PCBP3: variants seen among roughly 807,000 people sequenced by gnomAD.
The protein encoded by PCBP3 is poly(rC) binding protein 3, also known as poly(rC)-binding protein 3.
PCBP3 carries 25 observed loss-of-function variants against 52.7 expected under a neutral mutation model. The ratio of observed to expected loss-of-function variants is 0.47; its 90% CI spans 0.35 to 0.66. The LOEUF (loss-of-function observed/expected upper bound fraction) is 0.66, where lower values mean the gene tolerates loss of function less well. PCBP3 is among the 30% of genes least tolerant of loss of function. The pLI, the probability that PCBP3 is intolerant of heterozygous loss-of-function variation, is 0.01. For synonymous variants in PCBP3, 162 were observed against 183.0 expected, an observed-to-expected ratio of 0.89 and a Z score of 0.93; for missense variants, 391 against 490.3, an observed-to-expected ratio of 0.80 and a Z score of 1.91.
chr21:45,723,773 G>A (rs890172791), intron 2 of PCBP3, among the ~76,000 whole-genome samples: 4 of 152,210 alleles, frequency 2.6e-5, no homozygotes, highest in Admixed American at 2.6e-4. Flanking sequence ...GGGTCTGTGG[G>A]ATCTGCATTC....
intron 4 of PCBP3, chr21:45,762,671 G>A (rs1033249606): frequency 1.1e-4 from 17 of 151,820 alleles, no homozygotes; most frequent in Admixed American, 1.1e-3. Flanking sequence ...ATTATTTTTA[G>A]TAGAGGCAGG....
Position 45,812,462 on chromosome 21 carries a change from G to A in PCBP3, c.-125-37499G>A, listed in dbSNP as rs1158021729. 2.0e-5 allele frequency among the ~76,000 whole-genome samples: 3 copies of A among 152,186 alleles called. No homozygotes were observed. The East Asian group carries it at 5.8e-4, about 29-fold the overall frequency. On this transcript the variant is annotated intron_variant, in intron 4 of 17. Transcript: ENST00000681687. ...GCTCTGTTGTGCAGGCTGGAGTGCAGTGGTGCCATCTCGGCTCACTGTAAT... is the reference window on the plus strand; with the variant it reads ...GCTCTGTTGTGCAGGCTGGAGTGCAATGGTGCCATCTCGGCTCACTGTAAT...
intron 1 of PCBP3, among the ~76,000 whole-genome samples, chr21:45,645,038 T>A (rs2146648591): frequency 6.6e-6 from 1 of 152,330 alleles, no homozygotes; most frequent in Admixed American, 6.5e-5. Context: ...ATACCTATTT[T>A]GGCCCCAAAA....
Position 45,928,068 on chromosome 21 carries a change from C to T in PCBP3, c.718-1849C>T, listed in dbSNP as rs567860400. On this transcript the variant is annotated intron_variant, in intron 13 of 17. Transcript: ENST00000681687. The surrounding 1 kb of genome is among the most constrained non-coding windows in gnomAD (Gnocchi z 4.1). ...TCTCCTACCCGGCCTGGGACACTTG[C>T]GGTCTTTCCTGACGTGCCCCGTCCA... Among the ~76,000 whole-genome samples the T allele has an allele frequency of 1.8e-4, 28 of 152,328 alleles. No homozygotes were observed. Among genetic ancestry groups the T allele is most frequent in the South Asian group, 1.0e-3 (5 of 4,830 alleles).
chr21:45,742,176 A>C (rs1214929158), intron 3 of PCBP3, among the ~76,000 whole-genome samples: 1 of 152,194 alleles, frequency 6.6e-6, no homozygotes, highest in Non-Finnish European at 1.5e-5. Context: ...AATCCACAGC[A>C]GCTTCCTCTC....
rs369277710 is a variant in PCBP3 at position 45,800,304 on chromosome 21, G to T, written c.-126+44852G>T. Among the ~76,000 whole-genome samples, 3 of 152,156 alleles carry T rather than the reference G, an allele frequency of 2.0e-5. No homozygotes were observed. The highest frequency in any genetic ancestry group is 7.2e-5 in the African/African-American group (3 of 41,436). ...CAGGTCCAGGTCAGGGCTACCCCTC[G>T]CACAGCCCAGCAGGATGTGGGAGCA... is the stretch of plus-strand genomic sequence containing the variant. On this transcript the variant is annotated intron_variant, in intron 4 of 17. Coordinates refer to ENST00000681687, the MANE Select transcript of PCBP3 (RefSeq NM_001384156.1). This position sits in a 1 kb window ranked among gnomAD's most constrained non-coding sequence, Gnocchi z 5.3.
intron 10 of PCBP3, among the ~76,000 whole-genome samples, chr21:45,910,438 A>G (rs1208418764): frequency 5.4e-4 from 82 of 151,924 alleles, no homozygotes; most frequent in Admixed American, 5.4e-3. Flanking sequence ...CAGTGGGCAG[A>G]GTTTGCAGAT....
chr21:45,845,228 G>C (rs922342649), intron 4 of PCBP3, among the ~76,000 whole-genome samples: 1 of 152,244 alleles, frequency 6.6e-6, no homozygotes, highest in Non-Finnish European at 1.5e-5. Flanking sequence ...TGTCTGAAGC[G>C]GTTTCCCTGA....
At chr21:45,898,310 T>TCCCTCTCCACACCGTCCTCACAGC (rs1569466357) in intron 6 of PCBP3, among the ~76,000 whole-genome samples, 1 of 70,036 alleles carries the variant, frequency 1.4e-5, no homozygotes, top group Non-Finnish European at 2.9e-5. Flanking sequence ...GTCCTCACAG[T>TCCCTCTCCACACCGTCCTCACAGC]CTCCCTCTGC....
At position 45,830,768 on chromosome 21, in the gene PCBP3, G is replaced by A. The variant is rs1350085460; in HGVS notation, c.-125-19193G>A. The A allele has an allele frequency of 6.6e-6, 1 of 152,232 alleles. No individual in the cohort carries two copies. Among genetic ancestry groups the A allele is most frequent in the Non-Finnish European group, 1.5e-5 (1 of 68,036 alleles). 9.4% of individuals were successfully genotyped at this position (152,232 alleles called of 1,614,324 possible). On this transcript the variant is annotated intron_variant, in intron 4 of 17. Transcript: ENST00000681687. This position sits in a 1 kb window ranked among gnomAD's most constrained non-coding sequence, Gnocchi z 4.4. ...CATAGCTTTAATAAATTAATCAATGGTTTGGGAATTGGGTATACGAACATT... is the reference window on the plus strand; with the variant it reads ...CATAGCTTTAATAAATTAATCAATGATTTGGGAATTGGGTATACGAACATT...
intron 2 of PCBP3, among the ~76,000 whole-genome samples, chr21:45,669,805 G>GTGTATATA (rs1228443065): frequency 1.4e-4 from 7 of 49,718 alleles, no homozygotes; most frequent in East Asian, 6.9e-4. Context: ...GTGTGTGTGT[G>GTGTATATA]TATATATATA....
intron 2 of PCBP3, among the ~76,000 whole-genome samples, chr21:45,700,590 G>A (rs7279601): frequency 0.028 from 4,319 of 152,216 alleles, 217 homozygotes; most frequent in African/African-American, 0.098. Context: ...CCACCTCTCC[G>A]GTGCTAACAG....
intron 1 of PCBP3, among the ~76,000 whole-genome samples, chr21:45,648,429 T>G (rs1374787298): frequency 6.6e-6 from 1 of 152,232 alleles, no homozygotes; most frequent in Non-Finnish European, 1.5e-5. Flanking sequence ...ATTGTCTTAT[T>G]TGGCCCAAAT....
intron 10 of PCBP3, among the ~76,000 whole-genome samples, chr21:45,910,593 A>G (rs529694724): frequency 1.8e-4 from 28 of 152,206 alleles, no homozygotes; most frequent in South Asian, 6.2e-4. Flanking sequence ...CACAGAGGAG[A>G]GAGGATTCCG....
chr21:45,740,601 A>T (rs1316490752), intron 3 of PCBP3, among the ~76,000 whole-genome samples: 5 of 141,860 alleles, frequency 3.5e-5, no homozygotes, highest in African/African-American at 1.4e-4. Context: ...TGTGCATGTG[A>T]GTGTGTGTGT....
intron 4 of PCBP3, among the ~76,000 whole-genome samples, chr21:45,796,081 C>T (rs758067664): frequency 3.9e-5 from 6 of 152,222 alleles, no homozygotes; most frequent in African/African-American, 7.2e-5. Context: ...TGCACTCTCA[C>T]ACCACCTGAC....
chr21:45,768,101 C>T (rs903114729), intron 4 of PCBP3, among the ~76,000 whole-genome samples: 1 of 152,262 alleles, frequency 6.6e-6, no homozygotes, highest in Non-Finnish European at 1.5e-5. Flanking sequence ...CTGCTTCCCT[C>T]CCAGCTGCAC....
chr21:45,841,152 C>T (rs527819620), intron 4 of PCBP3, among the ~76,000 whole-genome samples: 10 of 152,238 alleles, frequency 6.6e-5, no homozygotes, highest in African/African-American at 2.4e-4. Context: ...GATGAAATCA[C>T]CTAAAAGTGC....
At chr21:45,664,151 G>A (rs1220680803) in intron 1 of PCBP3, among the ~76,000 whole-genome samples, 3 of 144,994 alleles carry the variant, frequency 2.1e-5, no homozygotes, top group Non-Finnish European at 4.5e-5. Flanking sequence ...TAGTGAAACT[G>A]TTTGAACTAA....
Sources: allele counts gnomAD v4.1 joint callset (sites outside exome capture counted in the v4.1 genomes callset), GRCh38; gene constraint gnomAD v4.1.1; non-coding constraint Gnocchi (gnomAD v3.1); transcripts MANE v1.5; gene names NCBI Gene and HGNC (gene_info 2026-07-23, HGNC 2026-07-21).